The following PCDH9 variants were observed in gnomAD, a reference collection of about 807,000 sequenced individuals.
The protein encoded by PCDH9 is protocadherin-9.
PCDH9 carries 24 observed loss-of-function variants against 70.6 expected under a neutral mutation model. That is an observed-to-expected ratio of 0.34 (90% CI 0.25 to 0.48). The LOEUF (loss-of-function observed/expected upper bound fraction) is 0.48, where lower values mean the gene tolerates loss of function less well. Among genes scored for constraint, PCDH9 ranks in the 20% least tolerant of loss-of-function variants. PCDH9 has a pLI of 0.99. For synonymous variants in PCDH9, 562 were observed against 558.5 expected (o/e 1.01, Z -0.09); for missense variants, 1,281 against 1,503.6 (o/e 0.85, Z 2.45).
chr13:66,717,958 C>G (rs759097770), intron 3 of PCDH9, among the ~76,000 whole-genome samples: 14 of 152,066 alleles, frequency 9.2e-5, no homozygotes, highest in Admixed American at 9.2e-4. Context: ...ATCATGTTAA[C>G]GCATACTGTT....
chr13:66,567,209 CA>C (rs2076665464), intron 4 of PCDH9, among the ~76,000 whole-genome samples: 1 of 152,102 alleles, frequency 6.6e-6, no homozygotes. Flanking sequence ...CTGGGTGCTG[CA>C]TGGGATATAA....
chr13:66,596,390 T>C (rs1267103438), intron 4 of PCDH9, among the ~76,000 whole-genome samples: 1 of 151,582 alleles, frequency 6.6e-6, no homozygotes, highest in Non-Finnish European at 1.5e-5. Context: ...AATCCAGAGA[T>C]TAAAATAAGA....
chr13:66,822,650 C>T (rs1342874552), intron 3 of PCDH9, among the ~76,000 whole-genome samples: 1 of 151,812 alleles, frequency 6.6e-6, no homozygotes, highest in African/African-American at 2.4e-5. Flanking sequence ...CTCAGGCTCC[C>T]AAGTAGCTGG....
At chr13:66,374,949 T>C (rs1956722336) in intron 4 of PCDH9, among the ~76,000 whole-genome samples, 2 of 152,024 alleles carry the variant, frequency 1.3e-5, no homozygotes, top group Non-Finnish European at 2.9e-5. Context: ...TGAAGGAATT[T>C]GTCTAAAGGA....
At chr13:66,876,406 T>C (rs534241467) in intron 3 of PCDH9, among the ~76,000 whole-genome samples, 2 of 151,728 alleles carry the variant, frequency 1.3e-5, no homozygotes, top group African/African-American at 2.4e-5. Flanking sequence ...TAAAAAAAAA[T>C]ACAAAACATC....
intron 2 of PCDH9, among the ~76,000 whole-genome samples, chr13:67,087,416 T>C (rs2086130550): frequency 6.6e-6 from 1 of 152,184 alleles, no homozygotes; most frequent in African/African-American, 2.4e-5. Flanking sequence ...CATTTTACTC[T>C]AATCTACAGA....
In PCDH9 at chr13:67,154,575, C is replaced by CAA. The variant is rs753995213; in HGVS notation, c.3036+70828_3036+70829dup. Among the ~76,000 whole-genome samples the CAA allele has an allele frequency of 3.1e-3, 116 of 37,254 alleles. 3 individuals are homozygous for CAA. Among genetic ancestry groups the CAA allele is most frequent in the African/African-American group, 8.0e-3 (79 of 9,900 alleles). 24.4% of individuals were successfully genotyped at this position (37,254 alleles called of 152,430 possible). A position where few individuals can be genotyped will look rare whatever the true frequency, so the allele number is the denominator to read the frequency against. On this transcript the variant is annotated intron_variant, in intron 2 of 4. Transcript: ENST00000377865. ...AGGGAAACAGACGGAGACCCTGTCT[C>CAA]AAAAAAAAAAAAAAAAAAAAATATA...
intron 2 of PCDH9, among the ~76,000 whole-genome samples, chr13:67,075,154 C>T (rs2085853376): frequency 6.6e-6 from 1 of 151,864 alleles, no homozygotes; most frequent in African/African-American, 2.4e-5. Flanking sequence ...CATTTCAGGA[C>T]ACCGAGGAAT....
intron 2 of PCDH9, among the ~76,000 whole-genome samples, chr13:66,905,089 C>T (rs558813413): frequency 6.6e-6 from 1 of 151,938 alleles, no homozygotes; most frequent in African/African-American, 2.4e-5. Flanking sequence ...GTAAAATGTT[C>T]CCTTGTAATG....
intron 3 of PCDH9, among the ~76,000 whole-genome samples, chr13:66,709,885 A>C (rs1019029099): frequency 3.3e-5 from 5 of 152,170 alleles, no homozygotes; most frequent in Admixed American, 3.3e-4. Flanking sequence ...TTAAGAAGAA[A>C]TATCCATTTT....
At chr13:67,122,780 A>G (rs2086902277) in intron 2 of PCDH9, among the ~76,000 whole-genome samples, 1 of 146,216 alleles carries the variant, frequency 6.8e-6, no homozygotes, top group South Asian at 2.1e-4. Flanking sequence ...CTCAATAATA[A>G]TAATAATAAT....
At chr13:66,651,064 G>C (rs2077844503) in intron 3 of PCDH9, among the ~76,000 whole-genome samples, 1 of 151,688 alleles carries the variant, frequency 6.6e-6, no homozygotes, top group Non-Finnish European at 1.5e-5. Context: ...ATAGGTATAA[G>C]TGCCTACATC....
rs771033139 is a variant in PCDH9 at position 67,226,292 on chromosome 13, T to G, written c.2149A>C (p.Ile717Leu). 1 of 1,613,512 alleles carries G rather than the reference T, an allele frequency of 6.2e-7. No individual in the cohort carries two copies. The highest frequency in any genetic ancestry group is 1.7e-5 in the Admixed American group (1 of 60,026). ...AAGCCTTTATTGTTTCCACTCACTATAGTATACTTTAGTTCAGCGTTCATT... is the reference window on the plus strand; with the variant it reads ...AAGCCTTTATTGTTTCCACTCACTAGAGTATACTTTAGTTCAGCGTTCATT... ...TGMNAELKYT[I>L]VSGNNKGLFR... is the part of the protein sequence containing the mutation. Residue 717 changes from isoleucine (I) to leucine (L), a missense_variant, in exon 2 of 5, where the codon ATA becomes CTA. This residue lies in a region of PCDH9 where 798 missense variants were observed against 1,003.1 expected (regional missense o/e 0.80). Coordinates refer to ENST00000377865, the MANE Select transcript of PCDH9 (RefSeq NM_203487.3). This position sits in a 1 kb window ranked among gnomAD's most constrained non-coding sequence, Gnocchi z 5.0.
At chr13:66,597,278 G>A (rs184842365) in intron 4 of PCDH9, among the ~76,000 whole-genome samples, 356 of 151,484 alleles carry the variant, frequency 2.4e-3, no homozygotes, top group African/African-American at 8.2e-3. Flanking sequence ...TAATTAATAA[G>A]GTACCACAAA....
chr13:66,622,950 C>T (rs576216000), intron 4 of PCDH9, among the ~76,000 whole-genome samples: 4 of 152,146 alleles, frequency 2.6e-5, no homozygotes, highest in Non-Finnish European at 4.4e-5. Context: ...ACGAACGCAC[C>T]GGGAGGAACG....
chr13:66,625,054 ATTT>A lies in PCDH9; in HGVS notation c.3340+6153_3340+6155del, dbSNP rs199990550. ...TTAATGTATTCCCATTATTATTATT[ATTT>A]TGATAGAGTAATATTAAGGCAAATT... On this transcript the variant is annotated intron_variant, in intron 4 of 4. Coordinates refer to ENST00000377865, the MANE Select transcript of PCDH9 (RefSeq NM_203487.3). 4.2e-3 allele frequency among the ~76,000 whole-genome samples: 632 copies of A among 152,272 alleles called. 19 individuals carry two copies. The East Asian group carries it at 0.08, about 19-fold the overall frequency.
intron 4 of PCDH9, among the ~76,000 whole-genome samples, chr13:66,530,305 C>T (rs1392704444): frequency 2.0e-5 from 3 of 152,140 alleles, no homozygotes; most frequent in Non-Finnish European, 2.9e-5. Context: ...CATTATTTTT[C>T]GACAGTGTGT....
chr13:66,332,180 T>C (rs2138120401), intron 4 of PCDH9, among the ~76,000 whole-genome samples: 1 of 152,180 alleles, frequency 6.6e-6, no homozygotes, highest in East Asian at 1.9e-4. Flanking sequence ...CCTTCCAAAC[T>C]TCTGAGGCAT....
At chr13:66,852,962 G>A (rs1042782661) in intron 3 of PCDH9, among the ~76,000 whole-genome samples, 2 of 150,574 alleles carry the variant, frequency 1.3e-5, no homozygotes, top group African/African-American at 2.5e-5. Flanking sequence ...CACAGCAAAC[G>A]CAGAAGGAAA....
Sources: gnomAD v4.1 joint callset for allele counts (sites outside exome capture counted in the v4.1 genomes callset) on GRCh38, gnomAD v4.1.1 for gene constraint, gnomAD v4.1.1 regional missense constraint, Gnocchi (gnomAD v3.1) non-coding constraint, MANE v1.5 for transcripts, NCBI Gene and HGNC (gene_info 2026-07-23, HGNC 2026-07-21) for gene names.